Variants in RIMS1 observed in about 807,000 individuals in gnomAD.
RIMS1 encodes regulating synaptic membrane exocytosis protein 1.
A neutral mutation model predicts 214.1 loss-of-function variants in RIMS1; 83 were observed. That is an observed-to-expected ratio of 0.39 (90% CI 0.32 to 0.47). The LOEUF is 0.47. RIMS1 is among the 20% of genes least tolerant of loss of function. The pLI is 0.99. For synonymous variants in RIMS1, 793 were observed against 786.8 expected, an observed-to-expected ratio of 1.01 and a Z score of -0.13; for missense variants, 2,050 against 2,161.8, an observed-to-expected ratio of 0.95 and a Z score of 1.03.
intron 28 of RIMS1, among the ~76,000 whole-genome samples, chr6:72,317,942 T>A (rs533713915): frequency 6.6e-6 from 1 of 152,318 alleles, no homozygotes; most frequent in East Asian, 1.9e-4. Flanking sequence ...ATTTTGTCTT[T>A]CTGGCGATTT....
At chr6:71,949,014 G>A (rs771916444) in intron 1 of RIMS1, among the ~76,000 whole-genome samples, 3 of 152,214 alleles carry the variant, frequency 2.0e-5, no homozygotes, top group Non-Finnish European at 4.4e-5. Flanking sequence ...AGGGCTTCAA[G>A]TACAACCATC....
rs2076653757 is a variant in RIMS1 at position 72,258,203 on chromosome 6, G to A, written c.2849G>A (p.Arg950His). The change falls in exon 17 of 34, where the codon CGC becomes CAC. Residue 950 changes from arginine to histidine, a missense_variant. Physicochemically the swap from Arg to His is conservative, Grantham distance 29 (BLOSUM62 0). Transcript: ENST00000521978. ...GAACAGCAAAGAACAACTCATCACC[G>A]CTCACGTTCAGTATCTCCTCATCGC... is the stretch of plus-strand genomic sequence containing the variant. Reference protein sequence around the residue: ...VPEQQRTTHHRSRSVSPHRGN... With the variant: ...VPEQQRTTHHHSRSVSPHRGN... 6.2e-7 allele frequency: 1 copy of A among 1,613,202 alleles called. No individual in the cohort carries two copies. Among genetic ancestry groups the A allele is most frequent in the Non-Finnish European group, 8.5e-7 (1 of 1,179,490 alleles).
chr6:71,887,540 G>T (rs145762867), intron 1 of RIMS1, among the ~76,000 whole-genome samples: 249 of 152,312 alleles, frequency 1.6e-3, no homozygotes, highest in Non-Finnish European at 2.7e-3. Context: ...GCTGGGAGCA[G>T]GTTAGGGGGC....
At chr6:71,889,768 CTT>C (rs1436282718) in intron 1 of RIMS1, among the ~76,000 whole-genome samples, 2 of 152,146 alleles carry the variant, frequency 1.3e-5, no homozygotes, top group African/African-American at 2.4e-5. Flanking sequence ...CTTTTTAAAA[CTT>C]TGTGTTAAAA....
intron 2 of RIMS1, among the ~76,000 whole-genome samples, chr6:72,060,369 A>G (rs1562227212): frequency 6.6e-6 from 1 of 152,176 alleles, no homozygotes; most frequent in South Asian, 2.1e-4. Flanking sequence ...CTGCCTCCAG[A>G]TTAAACTTCC....
intron 6 of RIMS1, among the ~76,000 whole-genome samples, chr6:72,200,857 T>TTTTG (rs1281701485): frequency 3.4e-5 from 5 of 146,154 alleles, no homozygotes; most frequent in Non-Finnish European, 7.5e-5. Flanking sequence ...AAGGACACAA[T>TTTTG]TGTGTGTGTG....
At chr6:72,282,641 G>A (rs1328837284) in intron 23 of RIMS1, among the ~76,000 whole-genome samples, 1 of 152,032 alleles carries the variant, frequency 6.6e-6, no homozygotes, top group African/African-American at 2.4e-5. Context: ...TCCTAGCTTT[G>A]CCACTTTCTA....
intron 29 of RIMS1, among the ~76,000 whole-genome samples, chr6:72,337,277 T>C (rs1449162999): frequency 6.6e-6 from 1 of 151,854 alleles, no homozygotes; most frequent in Non-Finnish European, 1.5e-5. Context: ...CACTCAATAC[T>C]AACTGTATAA....
intron 4 of RIMS1, among the ~76,000 whole-genome samples, chr6:72,142,535 C>G (rs529027818): frequency 1.3e-5 from 2 of 152,112 alleles, no homozygotes; most frequent in African/African-American, 4.8e-5. Flanking sequence ...TACCCCAGAT[C>G]ATCAATAAAA....
At chr6:72,324,906 A>C (rs2096382014) in intron 28 of RIMS1, among the ~76,000 whole-genome samples, 1 of 151,900 alleles carries the variant, frequency 6.6e-6, no homozygotes, top group Non-Finnish European at 1.5e-5. Flanking sequence ...CCCTTTACAA[A>C]ATAAATTTTC....
In RIMS1 at chr6:72,398,304, T is replaced by C. The variant is rs1596374235; in HGVS notation, c.4674T>C (p.Ile1558=). 6.2e-7 allele frequency: 1 copy of C among 1,609,622 alleles called. No individual in the cohort carries two copies. The highest frequency in any genetic ancestry group is 2.2e-5 in the East Asian group (1 of 44,750). Residue 1558 remains isoleucine (I), a synonymous_variant, in exon 32 of 34, where the codon ATT becomes ATC. Coordinates refer to ENST00000521978, the MANE Select transcript of RIMS1 (RefSeq NM_014989.7). The part of the protein sequence containing the change: ...DKKGQLEVEV[I]RARSLTQKPG... ...AGGGCCAATTAGAAGTGGAAGTCAT[T>C]AGAGCACGAAGCCTCACACAAAAGC...
rs188029981 is a variant in RIMS1, at chr6:72,378,337, C to G, written c.4367-12261C>G. On this transcript the variant is annotated intron_variant, in intron 29 of 33. Transcript: ENST00000521978. ...CACCCCAATTTTGATGAAAATCCAT[C>G]TAATTTATTTTGTGGAATGTGGTAA... Among the ~76,000 whole-genome samples the G allele has an allele frequency of 3.3e-5, 5 of 152,326 alleles. No individual in the cohort carries two copies. In the East Asian group the frequency reaches 9.6e-4, roughly 29 times the overall value.
At chr6:71,899,553 A>G (rs1414126825) in intron 1 of RIMS1, among the ~76,000 whole-genome samples, 1 of 152,074 alleles carries the variant, frequency 6.6e-6, no homozygotes, top group African/African-American at 2.4e-5. Flanking sequence ...ATGTAATCTC[A>G]CATACCCACA....
At position 71,908,983 on chromosome 6, in the gene RIMS1, ATTTCTT is replaced by A. The variant is rs560399309; in HGVS notation, c.164+21800_164+21805del. Among the ~76,000 whole-genome samples the A allele has an allele frequency of 2.1e-4, 32 of 152,056 alleles. No homozygotes were observed. The South Asian group carries it at 2.9e-3, about 14-fold the overall frequency. On this transcript the variant is annotated intron_variant, in intron 1 of 33. Transcript: ENST00000521978. ...TATATCAATATTTAGATTCTACTGTATTTCTTTTTATTTTATTTTATTTTGAGGCAG... is the reference window on the plus strand; with the variant it reads ...TATATCAATATTTAGATTCTACTGTATTTATTTTATTTTATTTTGAGGCAG...
At chr6:72,386,384 G>A (rs1447369687) in intron 29 of RIMS1, among the ~76,000 whole-genome samples, 1 of 152,200 alleles carries the variant, frequency 6.6e-6, no homozygotes, top group Admixed American at 6.5e-5. Flanking sequence ...CACAGAGCCT[G>A]AGATCACTGG....
intron 4 of RIMS1, among the ~76,000 whole-genome samples, chr6:72,135,054 G>A (rs1209188603): frequency 6.6e-6 from 1 of 152,064 alleles, no homozygotes; most frequent in Non-Finnish European, 1.5e-5. Flanking sequence ...TCAAAATGCT[G>A]CATAGAACAC....
chr6:71,938,424 T>C (rs1292947210), intron 1 of RIMS1, among the ~76,000 whole-genome samples: 1 of 152,246 alleles, frequency 6.6e-6, no homozygotes, highest in Non-Finnish European at 1.5e-5. Flanking sequence ...CCCACAATAG[T>C]TTCTGTCCAT....
chr6:72,289,871 C>T (rs900553945), intron 24 of RIMS1, among the ~76,000 whole-genome samples: 6 of 151,538 alleles, frequency 4.0e-5, no homozygotes, highest in African/African-American at 1.5e-4. Context: ...AAAATAAATA[C>T]CAAAATCAAT....
At chr6:72,282,993 G>T (rs34771496) in intron 23 of RIMS1, among the ~76,000 whole-genome samples, 2,699 of 152,094 alleles carry the variant, frequency 0.018, 46 homozygotes, top group Non-Finnish European at 0.028. Flanking sequence ...CTCTGTAACA[G>T]CCTGTGAAGG....
Sources: gnomAD v4.1 joint callset for allele counts (sites outside exome capture counted in the v4.1 genomes callset) on GRCh38, gnomAD v4.1.1 for gene constraint, MANE v1.5 for transcripts, NCBI Gene and HGNC (gene_info 2026-07-23, HGNC 2026-07-21) for gene names.